Variants in CCDC7 observed in about 807,000 individuals in gnomAD.
CCDC7 encodes coiled-coil domain-containing protein 7.
In CCDC7, 183 loss-of-function variants were observed where a neutral mutation model predicts 196.9. The observed-to-expected ratio is 0.93, with a 90% confidence interval of 0.82 to 1.05. CCDC7 has a LOEUF of 1.05. Ranked by LOEUF, CCDC7 falls within the 50% of genes least tolerant of loss-of-function variation. CCDC7 has a pLI of 0.00. For missense variants in CCDC7, 1,540 were observed against 1,482.2 expected (o/e 1.04, Z -0.64); for synonymous variants, 525 against 484.6 (o/e 1.08, Z -1.10).
chr10:32,515,470 A>G (rs7075342), intron 9 of CCDC7, among the ~76,000 whole-genome samples: 20,404 of 152,240 alleles, frequency 0.13, 1,616 homozygotes, highest in African/African-American at 0.22. Flanking sequence ...GGGGGAAAGA[A>G]AAGTCTTTTT....
chr10:32,760,809 G>A (rs556400954), intron 28 of CCDC7, among the ~76,000 whole-genome samples: 5 of 151,304 alleles, frequency 3.3e-5, no homozygotes, highest in South Asian at 4.2e-4. Flanking sequence ...AGATGGCTCC[G>A]GAAGGTTCAA....
Position 32,723,074 on chromosome 10 carries a change from C to T in CCDC7, c.2570-3660C>T, listed in dbSNP as rs77105274. ...CTTTATTAATCAGGATCCATTACTT[C>T]GTAGACCCTAGCAGACCACCCTGTA... On this transcript the variant is annotated intron_variant, in intron 25 of 41. Transcript: ENST00000639629. 2.0e-4 allele frequency among the ~76,000 whole-genome samples: 30 copies of T among 152,160 alleles called. No individual in the cohort carries two copies. In the East Asian group the frequency reaches 3.7e-3, roughly 19 times the overall value.
intron 13 of CCDC7, among the ~76,000 whole-genome samples, chr10:32,547,644 G>A (rs2947070): frequency 0.14 from 21,015 of 151,926 alleles, 1,753 homozygotes; most frequent in East Asian, 0.25. Context: ...TATATTTATG[G>A]GATACATGAG....
chr10:32,455,146 T>G (rs974860164), intron 2 of CCDC7, among the ~76,000 whole-genome samples: 5 of 152,104 alleles, frequency 3.3e-5, no homozygotes, highest in Admixed American at 2.6e-4. Flanking sequence ...AGGCTAATAG[T>G]TTCTCTTTAT....
chr10:32,446,949 C>T (rs1359015447), upstream of CCDC7, among the ~76,000 whole-genome samples: 2 of 16,624 alleles, frequency 1.2e-4, no homozygotes, highest in African/African-American at 8.8e-4. Flanking sequence ...TTCCCTTCCT[C>T]CCTCCCTCCC....
At chr10:32,742,717 G>A (rs1170241196) in intron 28 of CCDC7, among the ~76,000 whole-genome samples, 1 of 152,170 alleles carries the variant, frequency 6.6e-6, no homozygotes, top group East Asian at 1.9e-4. Flanking sequence ...GTGCTGACTG[G>A]TGAAGAAGGG....
intron 18 of CCDC7, among the ~76,000 whole-genome samples, chr10:32,609,229 A>G (rs2061840890): frequency 6.6e-6 from 1 of 152,094 alleles, no homozygotes; most frequent in Non-Finnish European, 1.5e-5. Flanking sequence ...CTATTATGGC[A>G]TTAGAGTCGA....
intron 25 of CCDC7, among the ~76,000 whole-genome samples, chr10:32,715,362 A>G (rs1254575336): frequency 2.0e-5 from 3 of 152,170 alleles, no homozygotes; most frequent in East Asian, 1.9e-4. Flanking sequence ...AACATCAACA[A>G]AAAGGAAACC....
chr10:32,622,919 G>C (rs78699421), intron 18 of CCDC7, among the ~76,000 whole-genome samples: 11,527 of 152,080 alleles, frequency 0.076, 530 homozygotes, highest in East Asian at 0.16. Flanking sequence ...GCATTGCAAG[G>C]TTGGCTTAAC....
intron 8 of CCDC7, among the ~76,000 whole-genome samples, chr10:32,483,782 G>T (rs1160312467): frequency 6.6e-6 from 1 of 152,062 alleles, no homozygotes; most frequent in Non-Finnish European, 1.5e-5. Context: ...TTTTTCTCAG[G>T]TTTGTCAAAG....
At chr10:32,754,852 G>A (rs1263569959) in intron 28 of CCDC7, among the ~76,000 whole-genome samples, 2 of 152,138 alleles carry the variant, frequency 1.3e-5, no homozygotes, top group African/African-American at 4.8e-5. Flanking sequence ...AGGGGTTAGG[G>A]AATTCCCTTT....
intron 41 of CCDC7, among the ~76,000 whole-genome samples, chr10:32,871,923 C>G (rs1007652477): frequency 6.6e-6 from 1 of 152,146 alleles, no homozygotes; most frequent in Non-Finnish European, 1.5e-5. Context: ...GAGTGAGTTC[C>G]TTAATCCTGA....
intron 8 of CCDC7, among the ~76,000 whole-genome samples, chr10:32,479,905 G>C (rs560840943): frequency 6.6e-6 from 1 of 150,800 alleles, no homozygotes; most frequent in East Asian, 2.0e-4. Context: ...AGTCTGTTCA[G>C]ACTTTCTGTT....
intron 9 of CCDC7, among the ~76,000 whole-genome samples, chr10:32,508,135 G>GC (rs1259017078): frequency 6.6e-6 from 1 of 152,134 alleles, no homozygotes; most frequent in Non-Finnish European, 1.5e-5. Context: ...CCCTAAGGAT[G>GC]CTTCCCCCAC....
intron 21 of CCDC7, among the ~76,000 whole-genome samples, chr10:32,674,978 C>T (rs1405745431): frequency 1.3e-5 from 2 of 151,934 alleles, no homozygotes; most frequent in African/African-American, 2.4e-5. Context: ...ACTTTTAGTT[C>T]AGTTTGTCCT....
intron 18 of CCDC7, among the ~76,000 whole-genome samples, chr10:32,611,765 C>T (rs1762514): frequency 0.92 from 140,533 of 152,220 alleles, 65,872 homozygotes; most frequent in East Asian, 1. Flanking sequence ...CTGTGTTCTG[C>T]ACCATTGATC....
chr10:32,641,102 A>G (rs1399293141), intron 20 of CCDC7, among the ~76,000 whole-genome samples: 3 of 151,584 alleles, frequency 2.0e-5, no homozygotes, highest in Non-Finnish European at 4.4e-5. Flanking sequence ...CTTCATTTCA[A>G]CTTTGGTGAA....
chr10:32,837,931 C>T (rs1468359427), intron 33 of CCDC7, among the ~76,000 whole-genome samples: 29 of 85,682 alleles, frequency 3.4e-4, no homozygotes, highest in African/African-American at 1.0e-3. Context: ...GTTGTGGGGT[C>T]GGGGGAGGGG....
At chr10:32,585,699 G>A (rs147323662) in intron 18 of CCDC7, among the ~76,000 whole-genome samples, 7,633 of 152,126 alleles carry the variant, frequency 0.05, 627 homozygotes, top group African/African-American at 0.17. Flanking sequence ...TGCAAAGGAT[G>A]TGAACTCATC....
Sources: gnomAD v4.1 joint callset for allele counts (sites outside exome capture counted in the v4.1 genomes callset) on GRCh38, gnomAD v4.1.1 for gene constraint, MANE v1.5 for transcripts, NCBI Gene and HGNC (gene_info 2026-07-23, HGNC 2026-07-21) for gene names.